UTS2B: variants seen among roughly 807,000 people sequenced by gnomAD.
UTS2B encodes the protein urotensin 2B.
In UTS2B, 21 loss-of-function variants were observed where a neutral mutation model predicts 19.2. The observed-to-expected ratio is 1.09, with a 90% CI of 0.78 to 1.58. UTS2B has a LOEUF of 1.58. UTS2B is among the 40% of genes most tolerant of loss of function. The pLI is 0.00. For synonymous variants in UTS2B, 57 were observed against 50.2 expected (o/e 1.14, Z -0.58); for missense variants, 138 against 130.3 (o/e 1.06, Z -0.29).
intron 5 of UTS2B, among the ~76,000 whole-genome samples, chr3:191,280,955 G>A (rs1455330720): frequency 6.6e-6 from 1 of 152,012 alleles, no homozygotes; most frequent in Non-Finnish European, 1.5e-5. Flanking sequence ...TTGATTCCCA[G>A]GCTTGTATTT....
the UTS2B span, among the ~76,000 whole-genome samples, chr3:191,342,133 A>C: frequency 3.9e-5 from 6 of 152,182 alleles, no homozygotes; most frequent in Non-Finnish European, 7.3e-5. Flanking sequence ...AAATTTCAAG[A>C]TTTACACATT....
upstream of UTS2B, among the ~76,000 whole-genome samples, chr3:191,332,605 G>T (rs966993985): frequency 1.3e-5 from 2 of 152,194 alleles, no homozygotes; most frequent in African/African-American, 4.8e-5. Context: ...TGCAATTTGC[G>T]AATGTTAGGG....
the UTS2B span, among the ~76,000 whole-genome samples, chr3:191,339,023 G>A: frequency 1.3e-5 from 2 of 152,120 alleles, no homozygotes; most frequent in Admixed American, 6.6e-5. Context: ...TTAGATAAAG[G>A]GGGGAAGGCT....
chr3:191,278,188 C>A lies in UTS2B; in HGVS notation c.104-18G>T. The A allele has an allele frequency of 7.4e-7, 1 of 1,357,456 alleles. No homozygotes were observed. The highest frequency in any genetic ancestry group is 1.4e-5 in the South Asian group (1 of 72,250). The allele number at this position is 1,357,456 out of a possible 1,614,324, so 84.1% of individuals were successfully genotyped here. On this transcript the variant is annotated intron_variant, in intron 5 of 8. Transcript: ENST00000340524. ...TTCATTTCCTATAATGATCAAAAACCACCATTTTCAATTTGAGTCACCGAA... is the reference window on the plus strand; with the variant it reads ...TTCATTTCCTATAATGATCAAAAACAACCATTTTCAATTTGAGTCACCGAA...
chr3:191,331,535 G>A (rs1717985043), upstream of UTS2B, among the ~76,000 whole-genome samples: 1 of 152,112 alleles, frequency 6.6e-6, no homozygotes, highest in Non-Finnish European at 1.5e-5. Context: ...TGGTAAATTG[G>A]TAAGAAAATT....
chr3:191,280,439 C>T (rs1475560346), intron 5 of UTS2B, among the ~76,000 whole-genome samples: 5 of 152,026 alleles, frequency 3.3e-5, no homozygotes, highest in Admixed American at 3.3e-4. Context: ...CAGATAAATG[C>T]TTATTTTAAA....
At chr3:191,310,671 G>C (rs1576931046) in intron 3 of UTS2B, among the ~76,000 whole-genome samples, 1 of 151,788 alleles carries the variant, frequency 6.6e-6, no homozygotes, top group South Asian at 2.1e-4. Flanking sequence ...TTATTTGCTT[G>C]CAAGTGGAAT....
intron 3 of UTS2B, among the ~76,000 whole-genome samples, chr3:191,310,893 C>T (rs560590246): frequency 2.2e-4 from 34 of 152,268 alleles, no homozygotes; most frequent in South Asian, 8.3e-4. Flanking sequence ...TCAATTCCTT[C>T]GAAATATATT....
At chr3:191,274,854 A>T (rs1716186951) in intron 8 of UTS2B, among the ~76,000 whole-genome samples, 1 of 152,246 alleles carries the variant, frequency 6.6e-6, no homozygotes, top group Admixed American at 6.5e-5. Flanking sequence ...AATGCTATGA[A>T]TCGAACCTTG....
At chr3:191,340,543 C>T in the UTS2B span, among the ~76,000 whole-genome samples, 2 of 152,170 alleles carry the variant, frequency 1.3e-5, no homozygotes, top group Non-Finnish European at 2.9e-5. Flanking sequence ...CCTTCATACC[C>T]TTCTTGATGG....
intron 2 of UTS2B, among the ~76,000 whole-genome samples, chr3:191,317,085 C>G (rs1033346562): frequency 6.6e-6 from 1 of 152,186 alleles, no homozygotes; most frequent in Non-Finnish European, 1.5e-5. Context: ...CAGGGAGGCT[C>G]GGGCCGTGCA....
At chr3:191,307,770 CTTT>C (rs1717179927) in intron 3 of UTS2B, among the ~76,000 whole-genome samples, 1 of 152,016 alleles carries the variant, frequency 6.6e-6, no homozygotes, top group Non-Finnish European at 1.5e-5. Context: ...GGTCTCTCTT[CTTT>C]GTCAGTCAGC....
chr3:191,275,844 A>G (rs907662404), intron 7 of UTS2B, among the ~76,000 whole-genome samples: 2 of 152,156 alleles, frequency 1.3e-5, no homozygotes, highest in African/African-American at 4.8e-5. Context: ...GAGAGAAGAA[A>G]AACAGGGAGC....
chr3:191,340,171 A>G, the UTS2B span, among the ~76,000 whole-genome samples: 1 of 152,216 alleles, frequency 6.6e-6, no homozygotes, highest in Non-Finnish European at 1.5e-5. Context: ...AGGTCAGGAC[A>G]TGAGGCTCTG....
chr3:191,324,772 G>A (rs373241858), intron 2 of UTS2B, among the ~76,000 whole-genome samples: 1 of 152,176 alleles, frequency 6.6e-6, no homozygotes, highest in Non-Finnish European at 1.5e-5. Context: ...GTCAAGGCCC[G>A]GCGTGGTGGC....
upstream of UTS2B, among the ~76,000 whole-genome samples, chr3:191,333,374 A>G (rs1278028308): frequency 2.0e-5 from 3 of 152,310 alleles, no homozygotes; most frequent in East Asian, 5.8e-4. Context: ...GGGGAAAGAT[A>G]TAAAATTATG....
At chr3:191,310,933 TAC>T (rs1717285501) in intron 3 of UTS2B, among the ~76,000 whole-genome samples, 1 of 152,254 alleles carries the variant, frequency 6.6e-6, no homozygotes. Context: ...GGTCAAGACG[TAC>T]AGTTTCAGAA....
chr3:191,291,822 C>T (rs531149164), intron 4 of UTS2B, among the ~76,000 whole-genome samples: 110 of 137,750 alleles, frequency 8.0e-4, no homozygotes, highest in Non-Finnish European at 1.3e-3. Context: ...TATTTATTTT[C>T]GCATGTGGAT....
the UTS2B span, among the ~76,000 whole-genome samples, chr3:191,344,314 G>T: frequency 5.3e-5 from 8 of 152,204 alleles, no homozygotes; most frequent in African/African-American, 1.9e-4. Flanking sequence ...CAACTGTGAT[G>T]ATGCAAACGT....
Sources: allele counts gnomAD v4.1 joint callset (sites outside exome capture counted in the v4.1 genomes callset), GRCh38; gene constraint gnomAD v4.1.1; transcripts MANE v1.5; gene names NCBI Gene and HGNC (gene_info 2026-07-23, HGNC 2026-07-21).